The following HDAC9 variants were observed in gnomAD, a reference collection of about 807,000 sequenced individuals.
The protein encoded by HDAC9 is MEF-2 interacting transcription repressor (MITR) protein.
A neutral mutation model predicts 139.4 loss-of-function variants in HDAC9; 41 were observed. That is an observed-to-expected ratio of 0.29 (90% CI 0.23 to 0.38). The LOEUF is 0.38. HDAC9 is among the 10% of genes least tolerant of loss of function. The probability of loss-of-function intolerance (pLI) is 1.00; values close to 1 mark genes in which losing one functional copy is unlikely to be tolerated. For synonymous variants in HDAC9, 517 were observed against 476.2 expected, an observed-to-expected ratio of 1.09 and a Z score of -1.12; for missense variants, 1,147 against 1,297.0, an observed-to-expected ratio of 0.88 and a Z score of 1.78.
chr7:18,796,739 T>C (rs956146518), intron 17 of HDAC9, among the ~76,000 whole-genome samples: 17 of 152,326 alleles, frequency 1.1e-4, no homozygotes, highest in Non-Finnish European at 2.2e-4. Flanking sequence ...TTTTATTGTT[T>C]TATAGGACAT....
At chr7:18,714,439 C>T in intron 12 of HDAC9, among the ~76,000 whole-genome samples, 1 of 152,164 alleles carries the variant, frequency 6.6e-6, no homozygotes, top group East Asian at 1.9e-4. Context: ...GGTGCAAGTA[C>T]TGCATGGCCT....
At chr7:18,129,751 C>G (rs1266014579) in intron 1 of HDAC9, among the ~76,000 whole-genome samples, 1 of 152,088 alleles carries the variant, frequency 6.6e-6, no homozygotes, top group Non-Finnish European at 1.5e-5. Flanking sequence ...CTGAATTGTG[C>G]TAGGCACAAA....
chr7:18,954,325 TATC>T (rs1783001836), intron 24 of HDAC9, 95 bp downstream of exon 24: 3 of 946,532 alleles, frequency 3.2e-6, no homozygotes, highest in Admixed American at 4.8e-5. Context: ...TATTTAGAGT[TATC>T]ATAATTTGCA....
intron 1 of HDAC9, among the ~76,000 whole-genome samples, chr7:18,435,429 G>A: frequency 6.6e-6 from 1 of 152,016 alleles, no homozygotes; most frequent in Middle Eastern, 3.4e-3. Flanking sequence ...AAAAGTCTAT[G>A]GCTATATAGA....
intron 13 of HDAC9, among the ~76,000 whole-genome samples, chr7:18,743,123 T>C (rs989736502): frequency 6.6e-6 from 1 of 152,220 alleles, no homozygotes; most frequent in East Asian, 1.9e-4. Flanking sequence ...GCTTTCCAGA[T>C]ATTTTGCCAG....
At chr7:18,181,303 G>T (rs747085785) in intron 2 of HDAC9, among the ~76,000 whole-genome samples, 1 of 152,142 alleles carries the variant, frequency 6.6e-6, no homozygotes, top group African/African-American at 2.4e-5. Flanking sequence ...GCCAGACACT[G>T]TTCTAGGCAA....
At chr7:18,090,238 A>T (rs1406779209) in intron 1 of HDAC9, among the ~76,000 whole-genome samples, 1 of 152,194 alleles carries the variant, frequency 6.6e-6, no homozygotes, top group Non-Finnish European at 1.5e-5. Context: ...CTGTATTTTA[A>T]TTATGAGAGC....
At chr7:18,256,850 G>A (rs1449103733) in intron 2 of HDAC9, among the ~76,000 whole-genome samples, 1 of 152,094 alleles carries the variant, frequency 6.6e-6, no homozygotes, top group Non-Finnish European at 1.5e-5. Flanking sequence ...CACTTTGGGA[G>A]GGCAAGGTAG....
chr7:18,123,221 C>A (rs1314258701), intron 1 of HDAC9, among the ~76,000 whole-genome samples: 1 of 152,128 alleles, frequency 6.6e-6, no homozygotes, highest in Non-Finnish European at 1.5e-5. Flanking sequence ...CCCTTTTATT[C>A]AGAGCTATTT....
intron 1 of HDAC9, among the ~76,000 whole-genome samples, chr7:18,446,546 T>G (rs1792313941): frequency 6.6e-6 from 1 of 152,242 alleles, no homozygotes; most frequent in Non-Finnish European, 1.5e-5. Context: ...AATACTTGCT[T>G]ATTGTTTTCA....
chr7:18,766,908 T>G (rs973922880), intron 15 of HDAC9, among the ~76,000 whole-genome samples, 198 bp from the exon 16 acceptor site: 4 of 152,214 alleles, frequency 2.6e-5, no homozygotes, highest in African/African-American at 9.6e-5. Context: ...CTTTTAGTTC[T>G]TATTTGTGTA....
intron 22 of HDAC9, among the ~76,000 whole-genome samples, chr7:18,907,467 T>C (rs1007021665): frequency 1.3e-5 from 2 of 152,240 alleles, no homozygotes; most frequent in Non-Finnish European, 2.9e-5. Flanking sequence ...CAAGATTATA[T>C]CACCTAGCTT....
chr7:18,570,041 A>C (rs905681556), intron 2 of HDAC9, among the ~76,000 whole-genome samples: 1 of 152,230 alleles, frequency 6.6e-6, no homozygotes, highest in African/African-American at 2.4e-5. Context: ...ATTATGATTT[A>C]GTATCTCTCT....
At chr7:18,874,333 C>G (rs370848142) in intron 21 of HDAC9, 145 bp from the exon 22 acceptor site, 6 of 522,300 alleles carry the variant, frequency 1.1e-5, no homozygotes, top group Admixed American at 3.0e-5. Flanking sequence ...AAATGATACG[C>G]TTTTGTCCCA....
intron 2 of HDAC9, among the ~76,000 whole-genome samples, chr7:18,558,354 G>C (rs577979783): frequency 2.0e-5 from 3 of 152,070 alleles, no homozygotes; most frequent in African/African-American, 7.2e-5. Context: ...AGAAATAAGG[G>C]GTAAGAGGAA....
Position 18,937,994 on chromosome 7 carries a change from G to A in HDAC9, c.2937+2052G>A, listed in dbSNP as rs535091279. Reference sequence around the variant, plus strand: ...GTTTCAGAACAGATTCAACTGTGTGGAGTTACATGTTTTTCTTAATTTATC... The same window carrying A: ...GTTTCAGAACAGATTCAACTGTGTGAAGTTACATGTTTTTCTTAATTTATC... On this transcript the variant is annotated intron_variant, in intron 23 of 25. Transcript: ENST00000686413. Among the ~76,000 whole-genome samples the A allele has an allele frequency of 1.2e-4, 19 of 152,222 alleles. No homozygotes were observed. In the South Asian group the frequency reaches 3.7e-3, roughly 30 times the overall value.
At chr7:18,622,588 C>T (rs906570660) in intron 6 of HDAC9, among the ~76,000 whole-genome samples, 6 of 151,958 alleles carry the variant, frequency 3.9e-5, no homozygotes, top group Non-Finnish European at 5.9e-5. Flanking sequence ...TCCCAGAGTG[C>T]TGGGATTACG....
At chr7:18,427,229 G>A (rs1790198390) in intron 1 of HDAC9, among the ~76,000 whole-genome samples, 1 of 152,050 alleles carries the variant, frequency 6.6e-6, no homozygotes, top group South Asian at 2.1e-4. Context: ...GTTGAAGTAA[G>A]TTAAGTCCTT....
At chr7:18,312,343 A>G (rs13237694) in intron 1 of HDAC9, among the ~76,000 whole-genome samples, 1,536 of 152,148 alleles carry the variant, frequency 0.01, 8 homozygotes, top group Non-Finnish European at 0.017. Flanking sequence ...CCAGAATGCT[A>G]TGCTGTGTGT....
Sources: gnomAD v4.1 joint callset for allele counts (sites outside exome capture counted in the v4.1 genomes callset) on GRCh38, gnomAD v4.1.1 for gene constraint, MANE v1.5 for transcripts, NCBI Gene and HGNC (gene_info 2026-07-23, HGNC 2026-07-21) for gene names.